The following PPP3CC variants were observed in gnomAD, a reference collection of about 807,000 sequenced individuals.
PPP3CC encodes protein phosphatase 3 catalytic subunit gamma.
Under a neutral mutation model 60.3 loss-of-function variants are expected in PPP3CC, and 35 were observed. The observed-to-expected ratio is 0.58, with a 90% CI of 0.44 to 0.77. The LOEUF is 0.77. PPP3CC is among the 30% of genes least tolerant of loss of function. PPP3CC has a pLI of 0.00. For missense variants in PPP3CC, 570 were observed against 628.9 expected (o/e 0.91, Z 1.00); for synonymous variants, 206 against 224.3 (o/e 0.92, Z 0.73).
At chr8:22,475,176 T>A in intron 2 of PPP3CC, 25 bp downstream of exon 2, 2 of 1,576,772 alleles carry the variant, frequency 1.3e-6, no homozygotes, top group Non-Finnish European at 1.7e-6. Flanking sequence ...TGCATGATAC[T>A]TTTTTACAGT....
chr8:22,518,100 G>T, intron 6 of PPP3CC, among the ~76,000 whole-genome samples: 1 of 148,382 alleles, frequency 6.7e-6, no homozygotes, highest in African/African-American at 2.5e-5. Context: ...GTTTTGCTCT[G>T]TCACCCAGGC....
intron 5 of PPP3CC, among the ~76,000 whole-genome samples, chr8:22,513,091 T>A (rs902007106): frequency 1.1e-4 from 17 of 151,844 alleles, no homozygotes; most frequent in Non-Finnish European, 1.6e-4. Flanking sequence ...AAAAAAAAAA[T>A]TTATTTCAGA....
intron 3 of PPP3CC, among the ~76,000 whole-genome samples, chr8:22,486,004 G>A (rs543320073): frequency 6.6e-6 from 1 of 152,240 alleles, no homozygotes; most frequent in South Asian, 2.1e-4. Flanking sequence ...AGACATGCTT[G>A]CAGAGAATTA....
At chr8:22,463,332 A>G (rs1407233916) in intron 1 of PPP3CC, among the ~76,000 whole-genome samples, 1 of 152,224 alleles carries the variant, frequency 6.6e-6, no homozygotes, top group African/African-American at 2.4e-5. Context: ...TGTCGGCAGT[A>G]TGCATCATTA....
chr8:22,489,462 A>G (rs1838315037), intron 3 of PPP3CC, among the ~76,000 whole-genome samples: 1 of 150,992 alleles, frequency 6.6e-6, no homozygotes, highest in African/African-American at 2.4e-5. Flanking sequence ...ATATGAATGA[A>G]TGATTCTCAG....
intron 3 of PPP3CC, among the ~76,000 whole-genome samples, chr8:22,491,012 C>T (rs1037919177): frequency 6.6e-6 from 1 of 152,184 alleles, no homozygotes; most frequent in Admixed American, 6.5e-5. Context: ...ATACGTGCCT[C>T]TAGTTGATTG....
At chr8:22,482,397 T>A (rs915510182) in intron 3 of PPP3CC, among the ~76,000 whole-genome samples, 15 of 152,238 alleles carry the variant, frequency 9.9e-5, no homozygotes, top group Non-Finnish European at 1.2e-4. Context: ...TTTTTTCTTG[T>A]AAATTTGTTT....
intron 3 of PPP3CC, among the ~76,000 whole-genome samples, chr8:22,480,213 T>A (rs974667068): frequency 6.6e-6 from 1 of 152,228 alleles, no homozygotes; most frequent in South Asian, 2.1e-4. Context: ...ATTTCTATTA[T>A]AGATAGCATT....
chr8:22,487,106 G>A (rs1838247988), intron 3 of PPP3CC, among the ~76,000 whole-genome samples: 1 of 152,030 alleles, frequency 6.6e-6, no homozygotes, highest in Non-Finnish European at 1.5e-5. Context: ...GTATTTAAAT[G>A]GTACAAAGTT....
intron 6 of PPP3CC, among the ~76,000 whole-genome samples, chr8:22,522,038 A>T (rs185237455): frequency 7.3e-5 from 11 of 151,574 alleles, no homozygotes; most frequent in African/African-American, 2.7e-4. Context: ...CTTGGTGTTT[A>T]TATTACCTGT....
At chr8:22,486,847 A>G (rs914416936) in intron 3 of PPP3CC, among the ~76,000 whole-genome samples, 1 of 149,076 alleles carries the variant, frequency 6.7e-6, no homozygotes, top group Non-Finnish European at 1.5e-5. Flanking sequence ...CTCCTGCCTC[A>G]CCCTCCCGAG....
At chr8:22,509,295 T>C (rs1449448183) in intron 4 of PPP3CC, among the ~76,000 whole-genome samples, 2 of 152,146 alleles carry the variant, frequency 1.3e-5, no homozygotes, top group Non-Finnish European at 2.9e-5. Flanking sequence ...TTCTAAAGGC[T>C]TAGAGATCAC....
chr8:22,444,987 T>G (rs1039147532), intron 1 of PPP3CC, among the ~76,000 whole-genome samples: 1 of 152,234 alleles, frequency 6.6e-6, no homozygotes, highest in Non-Finnish European at 1.5e-5. Context: ...CAGTAGGAAT[T>G]ACATGACAAA....
chr8:22,524,717 T>C (rs1839494456), intron 8 of PPP3CC, among the ~76,000 whole-genome samples: 1 of 152,240 alleles, frequency 6.6e-6, no homozygotes, highest in Non-Finnish European at 1.5e-5. Flanking sequence ...TATTGATTGC[T>C]CAATGGATTT....
intron 12 of PPP3CC, among the ~76,000 whole-genome samples, chr8:22,536,285 A>G (rs1247493178): frequency 1.3e-5 from 2 of 152,222 alleles, no homozygotes; most frequent in East Asian, 3.8e-4. Flanking sequence ...GTCATCTGAG[A>G]TATTCCGAGA....
intron 3 of PPP3CC, among the ~76,000 whole-genome samples, chr8:22,493,574 GACAC>G (rs144718095): frequency 1.3e-5 from 2 of 151,330 alleles, no homozygotes; most frequent in Non-Finnish European, 2.9e-5. Flanking sequence ...TAAGAATGAA[GACAC>G]ACACACACAC....
In PPP3CC at chr8:22,483,627, T is replaced by C. The variant is rs189137731; in HGVS notation, c.372+8003T>C. On this transcript the variant is annotated intron_variant, in intron 3 of 13. Coordinates refer to ENST00000240139, the MANE Select transcript of PPP3CC (RefSeq NM_005605.5). Reference sequence around the variant, plus strand: ...TTTAATTATAGCCAGCTTGATCACATACAAAATTCCATTTATAAATTCCGT... The same window carrying C: ...TTTAATTATAGCCAGCTTGATCACACACAAAATTCCATTTATAAATTCCGT... Among the ~76,000 whole-genome samples, 27 of 152,320 alleles carry C rather than the reference T, an allele frequency of 1.8e-4. No individual in the cohort carries two copies. The East Asian group carries it at 5.2e-3, about 29-fold the overall frequency.
At position 22,533,036 on chromosome 8, in the gene PPP3CC, C is replaced by T. The variant is rs776822709; in HGVS notation, c.1321+18C>T. 6.5e-7 allele frequency: 1 copy of T among 1,531,666 alleles called. No homozygotes were observed. Among genetic ancestry groups the T allele is most frequent in the South Asian group, 1.2e-5 (1 of 83,462 alleles). 94.9% of individuals were successfully genotyped at this position (1,531,666 alleles called of 1,614,324 possible). A position where few individuals can be genotyped will look rare whatever the true frequency, so the allele number is the denominator to read the frequency against. ...CGAGACAGGTGAGTATGAGAGTGCTCCTCCATGGAAGGTGTGCTCCCGTTA... is the reference window on the plus strand; with the variant it reads ...CGAGACAGGTGAGTATGAGAGTGCTTCTCCATGGAAGGTGTGCTCCCGTTA... On this transcript the variant is annotated intron_variant, in intron 12 of 13. Transcript: ENST00000240139.
At chr8:22,519,890 A>C (rs1839358735) in intron 6 of PPP3CC, among the ~76,000 whole-genome samples, 1 of 151,744 alleles carries the variant, frequency 6.6e-6, no homozygotes, top group African/African-American at 2.4e-5. Context: ...TCCTGGCCTC[A>C]AGTGATCTGC....
Sources: gnomAD v4.1 joint callset for allele counts (sites outside exome capture counted in the v4.1 genomes callset) on GRCh38, gnomAD v4.1.1 for gene constraint, MANE v1.5 for transcripts, NCBI Gene and HGNC (gene_info 2026-07-23, HGNC 2026-07-21) for gene names.